The following MAP1LC3A variants were observed in gnomAD, a reference collection of about 807,000 sequenced individuals.
MAP1LC3A encodes microtubule-associated protein 1 light chain 3 alpha.
Under a neutral mutation model 15.2 loss-of-function variants are expected in MAP1LC3A, and 10 were observed. The ratio of observed to expected loss-of-function variants is 0.66; its 90% confidence interval spans 0.41 to 1.12. MAP1LC3A has a LOEUF of 1.12. Among genes scored for constraint, MAP1LC3A ranks in the 50% most tolerant of loss-of-function variants. The probability of loss-of-function intolerance (pLI) is 0.00; values close to 1 mark genes in which losing one functional copy is unlikely to be tolerated. For synonymous variants in MAP1LC3A, 63 were observed against 64.3 expected, an observed-to-expected ratio of 0.98 and a Z score of 0.10; for missense variants, 138 against 167.3, an observed-to-expected ratio of 0.82 and a Z score of 0.97.
intron 1 of MAP1LC3A, among the ~76,000 whole-genome samples, chr20:34,548,933 T>C (rs1252199636): frequency 1.3e-5 from 2 of 152,224 alleles, no homozygotes; most frequent in Non-Finnish European, 2.9e-5. Flanking sequence ...CTTGAACTCC[T>C]GACCTCAGGT....
rs376002668 is a variant in MAP1LC3A at position 34,559,725 on chromosome 20, G to A, written c.204-11G>A. 5 of 1,595,510 alleles carry A rather than the reference G, an allele frequency of 3.1e-6. No individual in the cohort carries two copies. In the African/African-American group the frequency reaches 5.4e-5, roughly 17 times the overall value. The stretch of plus-strand genomic sequence containing the variant: ...GCCCCTCACAGCTGCATACTCTCCC[G>A]CCGGCTGCAGGCGCCGCCTGCAGCT... On this transcript the variant is annotated splice_polypyrimidine_tract_variant and intron_variant, in intron 3 of 3. Coordinates refer to ENST00000360668, the MANE Select transcript of MAP1LC3A (RefSeq NM_032514.4).
intron 2 of MAP1LC3A, among the ~76,000 whole-genome samples, chr20:34,552,969 G>C (rs993885353): frequency 6.6e-6 from 1 of 152,100 alleles, no homozygotes; most frequent in African/African-American, 2.4e-5. Context: ...CAGGTGGATC[G>C]CCTGAGGCCA....
At chr20:34,554,402 T>A (rs2146674772), upstream of MAP1LC3A, among the ~76,000 whole-genome samples, 2 of 115,656 alleles carry the variant, frequency 1.7e-5, no homozygotes, top group East Asian at 2.9e-4. Flanking sequence ...TTAGACAAAC[T>A]CTCGCTCTGT....
At chr20:34,555,561 T>C (rs1982123224), upstream of MAP1LC3A, among the ~76,000 whole-genome samples, 1 of 152,208 alleles carries the variant, frequency 6.6e-6, no homozygotes, top group Non-Finnish European at 1.5e-5. Flanking sequence ...ATTACACTAT[T>C]ACTCCTTCTT....
At chr20:34,559,020 G>A in intron 1 of MAP1LC3A, 112 bp downstream of exon 1, 6 of 1,338,098 alleles carry the variant, frequency 4.5e-6, no homozygotes, top group East Asian at 3.1e-5. Flanking sequence ...CCCTCGGGCT[G>A]GGACCAGCTC....
chr20:34,549,593 G>C (rs1387892507), intron 1 of MAP1LC3A, among the ~76,000 whole-genome samples: 1 of 152,252 alleles, frequency 6.6e-6, no homozygotes, highest in Non-Finnish European at 1.5e-5. Flanking sequence ...GCCATGGGCA[G>C]TGTGCTGAGA....
intron 1 of MAP1LC3A, chr20:34,549,891 CCT>C (rs1981882159): frequency 3.5e-6 from 4 of 1,153,110 alleles, no homozygotes; most frequent in South Asian, 1.3e-5. Flanking sequence ...GATTGCAGGC[CCT>C]GTTTCCCCCA....
chr20:34,558,789 G>C lies in MAP1LC3A; in HGVS notation c.-80G>C, dbSNP rs999718156. On this transcript the variant is annotated 5_prime_UTR_variant, in exon 1 of 4. Coordinates refer to ENST00000360668, the MANE Select transcript of MAP1LC3A (RefSeq NM_032514.4). This position sits in a 1 kb window ranked among gnomAD's most constrained non-coding sequence, Gnocchi z 4.3. ...CCCGGAGCCCTTGAGCGCGAGGCGC[G>C]GAGCCCCCGGAGCCCCCAAACCGCA... is the stretch of plus-strand genomic sequence containing the variant. The C allele has an allele frequency of 4.7e-5, 64 of 1,355,912 alleles. No individual in the cohort carries two copies. Among genetic ancestry groups the C allele is most frequent in the Non-Finnish European group, 5.8e-5 (62 of 1,063,386 alleles). The allele number at this position is 1,355,912 out of a possible 1,614,324, so 84.0% of individuals were successfully genotyped here.
intron 1 of MAP1LC3A, among the ~76,000 whole-genome samples, chr20:34,549,366 C>T (rs775062783): frequency 6.6e-6 from 1 of 152,188 alleles, no homozygotes; most frequent in African/African-American, 2.4e-5. Context: ...AATCCTTCCT[C>T]GGAGATAATG....
rs889548369 is a variant in MAP1LC3A at position 34,558,803 on chromosome 20, C to T, written c.-66C>T. On this transcript the variant is annotated 5_prime_UTR_variant, in exon 1 of 4. Coordinates refer to ENST00000360668, the MANE Select transcript of MAP1LC3A (RefSeq NM_032514.4). The surrounding 1 kb of genome is among the most constrained non-coding windows in gnomAD (Gnocchi z 4.3). ...GCGCGAGGCGCGGAGCCCCCGGAGC[C>T]CCCAAACCGCAGACACATCCCCGCG... 8 of 1,385,468 alleles carry T rather than the reference C, an allele frequency of 5.8e-6. No individual in the cohort carries two copies. In the East Asian group the frequency reaches 2.5e-4, roughly 43 times the overall value. 85.8% of individuals were successfully genotyped at this position (1,385,468 alleles called of 1,614,324 possible).
Position 34,559,378 on chromosome 20 carries a change from A to AGCTGCCCGTCCTGG in MAP1LC3A, c.129_142dup (p.Asp48GlyfsTer18). ...ATCGAGCGCTACAAGGGTGAGAAGC[A>AGCTGCCCGTCCTGG]GCTGCCCGTCCTGGACAAGACCAAG... On this transcript the variant is annotated frameshift_variant, in exon 3 of 4. Transcript: ENST00000360668. LOFTEE classifies it high-confidence loss of function. 6.2e-7 allele frequency: 1 copy of AGCTGCCCGTCCTGG among 1,609,504 alleles called. No homozygotes were observed. Among genetic ancestry groups the AGCTGCCCGTCCTGG allele is most frequent in the Non-Finnish European group, 8.5e-7 (1 of 1,178,022 alleles).
chr20:34,550,178 T>G, intron 2 of MAP1LC3A: 1 of 679,752 alleles, frequency 1.5e-6, no homozygotes, highest in Non-Finnish European at 2.5e-6. Context: ...CTCAGGCCCA[T>G]GGGTCCAAGT....
chr20:34,557,649 A>T (rs1982208127), upstream of MAP1LC3A, among the ~76,000 whole-genome samples: 1 of 152,176 alleles, frequency 6.6e-6, no homozygotes, highest in Admixed American at 6.5e-5. Context: ...TTCGGCGGCC[A>T]GGCGTGGTGG....
Position 34,559,769 on chromosome 20 carries a change from C to T in MAP1LC3A, c.237C>T (p.Phe79=). Residue 79 remains phenylalanine (F), a synonymous_variant, in exon 4 of 4, where the codon TTC becomes TTT. Transcript: ENST00000360668. ...TGCAGCTGAACCCCACGCAGGCCTT[C>T]TTCCTGCTGGTGAACCAGCACAGCA... The part of the protein sequence containing the change: ...RRLQLNPTQA[F]FLLVNQHSMV... The T allele has an allele frequency of 3.7e-6, 6 of 1,612,436 alleles. No homozygotes were observed. Among genetic ancestry groups the T allele is most frequent in the Non-Finnish European group, 5.1e-6 (6 of 1,179,580 alleles).
intron 1 of MAP1LC3A, among the ~76,000 whole-genome samples, chr20:34,549,634 G>A (rs1271199825): frequency 6.6e-6 from 1 of 152,130 alleles, no homozygotes; most frequent in Admixed American, 6.5e-5. Context: ...CTGAATCCGT[G>A]CTTATTCCCA....
chr20:34,558,537 C>A, upstream of MAP1LC3A: 2 of 1,119,468 alleles, frequency 1.8e-6, no homozygotes, highest in Non-Finnish European at 2.2e-6. This position sits in a 1 kb window ranked among gnomAD's most constrained non-coding sequence, Gnocchi z 4.3. Context: ...GAAGCTCCCG[C>A]GCTGCCCATG....
upstream of MAP1LC3A, among the ~76,000 whole-genome samples, chr20:34,555,022 G>A (rs964450451): frequency 6.6e-6 from 1 of 150,734 alleles, no homozygotes; most frequent in African/African-American, 2.4e-5. Flanking sequence ...TTTTGTTGTT[G>A]TTGTTTTTTG....
chr20:34,558,427 G>C, upstream of MAP1LC3A: 1 of 994,306 alleles, frequency 1.0e-6, no homozygotes, highest in Non-Finnish European at 1.2e-6. This position sits in a 1 kb window ranked among gnomAD's most constrained non-coding sequence, Gnocchi z 4.3. Flanking sequence ...CGGTGAGGGC[G>C]GGAAGTGGTG....
In MAP1LC3A at chr20:34,559,296, C is replaced by G. The variant is rs566581916; in HGVS notation, c.96+33C>G. On this transcript the variant is annotated intron_variant, in intron 2 of 3. Transcript: ENST00000360668. ...CCGCACCCCCAGCCCTGCCCCGCCC[C>G]CGCCTCGCGCGTTCCCGACACGACC... 177 of 1,581,370 alleles carry G rather than the reference C, an allele frequency of 1.1e-4. 5 individuals carry two copies. In the South Asian group the frequency reaches 1.9e-3, roughly 17 times the overall value.
Sources: gnomAD v4.1 joint callset for allele counts (sites outside exome capture counted in the v4.1 genomes callset) on GRCh38, gnomAD v4.1.1 for gene constraint, Gnocchi (gnomAD v3.1) non-coding constraint, MANE v1.5 for transcripts, NCBI Gene and HGNC (gene_info 2026-07-23, HGNC 2026-07-21) for gene names.